The following STT3B variants were observed in gnomAD, a reference collection of about 807,000 sequenced individuals.
STT3B encodes the protein dolichyl-diphosphooligosaccharide--protein glycosyltransferase subunit STT3B.
Under a neutral mutation model 96.8 loss-of-function variants are expected in STT3B, and 29 were observed. The observed-to-expected ratio is 0.30, with a 90% CI of 0.22 to 0.41. The LOEUF is 0.41. Ranked by LOEUF, STT3B falls within the 10% of genes least tolerant of loss-of-function variation. STT3B has a pLI of 1.00. For synonymous variants in STT3B, 367 were observed against 360.0 expected, an observed-to-expected ratio of 1.02 and a Z score of -0.22; for missense variants, 640 against 1,022.3, an observed-to-expected ratio of 0.63 and a Z score of 5.10.
chr3:31,599,845 A>AAT (rs1273573183), intron 4 of STT3B, among the ~76,000 whole-genome samples: 1 of 152,176 alleles, frequency 6.6e-6, no homozygotes, highest in Non-Finnish European at 1.5e-5. Context: ...TTAAGAAAAA[A>AAT]ATTCATGCCC....
intron 5 of STT3B, among the ~76,000 whole-genome samples, chr3:31,602,843 A>C (rs1010585838): frequency 6.6e-6 from 1 of 152,100 alleles, no homozygotes; most frequent in African/African-American, 2.4e-5. Flanking sequence ...TCTTTTACTT[A>C]TAATTATCCA....
intron 3 of STT3B, among the ~76,000 whole-genome samples, chr3:31,584,025 T>C (rs192906703): frequency 6.6e-6 from 1 of 152,320 alleles, no homozygotes; most frequent in East Asian, 1.9e-4. Context: ...TACACCTCTG[T>C]TTCCTTCTAA....
At chr3:31,551,958 C>G (rs930403190) in intron 1 of STT3B, among the ~76,000 whole-genome samples, 1 of 152,164 alleles carries the variant, frequency 6.6e-6, no homozygotes, top group African/African-American at 2.4e-5. Context: ...GTCCTATAAC[C>G]TCAAGGAAGT....
chr3:31,583,888 T>G (rs778255512), intron 3 of STT3B, among the ~76,000 whole-genome samples: 19 of 152,228 alleles, frequency 1.2e-4, no homozygotes, highest in Non-Finnish European at 2.6e-4. Context: ...CTTTTCACTC[T>G]GGATAGTGTC....
intron 1 of STT3B, among the ~76,000 whole-genome samples, chr3:31,564,099 G>A (rs1559367235): frequency 6.6e-6 from 1 of 152,010 alleles, no homozygotes; most frequent in African/African-American, 2.4e-5. Context: ...AATTAAACCA[G>A]TTACACTATT....
chr3:31,617,809 C>T (rs1699339943), intron 7 of STT3B, 131 bp from the exon 8 acceptor site: 3 of 689,510 alleles, frequency 4.4e-6, no homozygotes, highest in South Asian at 3.8e-5. Flanking sequence ...AGGTTGACAC[C>T]TATAAATGAA....
intron 3 of STT3B, among the ~76,000 whole-genome samples, chr3:31,583,263 T>C (rs929321353): frequency 6.6e-6 from 1 of 152,196 alleles, no homozygotes; most frequent in Non-Finnish European, 1.5e-5. Flanking sequence ...TATTGAACTG[T>C]TTTATTGCTG....
intron 2 of STT3B, among the ~76,000 whole-genome samples, chr3:31,579,485 A>G (rs1403228517): frequency 7.0e-6 from 1 of 143,624 alleles, no homozygotes; most frequent in African/African-American, 2.8e-5. Flanking sequence ...GATAAAAAAA[A>G]AAAAAAAAAA....
At chr3:31,610,073 C>T (rs1347219541) in intron 5 of STT3B, among the ~76,000 whole-genome samples, 1 of 152,100 alleles carries the variant, frequency 6.6e-6, no homozygotes, top group Non-Finnish European at 1.5e-5. Flanking sequence ...TCATATATTT[C>T]TCTGCTGGTC....
chr3:31,587,297 A>G (rs532052626), intron 3 of STT3B, among the ~76,000 whole-genome samples: 3 of 151,904 alleles, frequency 2.0e-5, no homozygotes, highest in Admixed American at 6.6e-5. Flanking sequence ...GTGACTTTCC[A>G]TTTTCACATC....
At chr3:31,567,744 A>G (rs997167877) in intron 1 of STT3B, among the ~76,000 whole-genome samples, 3 of 152,120 alleles carry the variant, frequency 2.0e-5, no homozygotes, top group Non-Finnish European at 2.9e-5. Flanking sequence ...TTATCTATTT[A>G]TGGGTTATAT....
chr3:31,597,871 T>C (rs910391210), intron 4 of STT3B, among the ~76,000 whole-genome samples: 2 of 151,116 alleles, frequency 1.3e-5, no homozygotes, highest in Non-Finnish European at 3.0e-5. Context: ...AGTCTGGCTC[T>C]GTTGCCTAGG....
chr3:31,634,873 T>C (rs1297791454), intron 15 of STT3B, among the ~76,000 whole-genome samples: 2 of 152,204 alleles, frequency 1.3e-5, no homozygotes, highest in East Asian at 3.8e-4. Context: ...TTAAAAATTG[T>C]ACCCTCTGAA....
chr3:31,602,603 G>A (rs1698954181), intron 5 of STT3B, among the ~76,000 whole-genome samples: 1 of 150,642 alleles, frequency 6.6e-6, no homozygotes, highest in Admixed American at 6.6e-5. Context: ...TTTAACCTTA[G>A]CACCAAGATT....
intron 15 of STT3B, 57 bp downstream of exon 15, chr3:31,633,204 A>G: frequency 1.4e-6 from 2 of 1,474,768 alleles, no homozygotes; most frequent in South Asian, 1.3e-5. Flanking sequence ...TTTGTATGAA[A>G]AAGAATTTCT....
At chr3:31,550,336 T>C (rs1380373306) in intron 1 of STT3B, among the ~76,000 whole-genome samples, 1 of 152,214 alleles carries the variant, frequency 6.6e-6, no homozygotes, top group Non-Finnish European at 1.5e-5. Flanking sequence ...TTAAACAACC[T>C]TTGGTTTTCT....
At chr3:31,614,665 C>CT (rs1380200994) in intron 5 of STT3B, among the ~76,000 whole-genome samples, 1 of 151,830 alleles carries the variant, frequency 6.6e-6, no homozygotes. Flanking sequence ...TACTTCAGAG[C>CT]TTTTGAGACA....
At chr3:31,566,528 C>T (rs572142646) in intron 1 of STT3B, among the ~76,000 whole-genome samples, 1 of 152,260 alleles carries the variant, frequency 6.6e-6, no homozygotes, top group South Asian at 2.1e-4. Context: ...TACCACTCCC[C>T]TTCTTGAACA....
chr3:31,596,232 G>A (rs1206875945), intron 3 of STT3B, among the ~76,000 whole-genome samples: 2 of 152,134 alleles, frequency 1.3e-5, no homozygotes, highest in Non-Finnish European at 2.9e-5. Flanking sequence ...AGCAGTCTGG[G>A]TTCAGTTAGG....
Sources: gnomAD v4.1 joint callset for allele counts (sites outside exome capture counted in the v4.1 genomes callset) on GRCh38, gnomAD v4.1.1 for gene constraint, MANE v1.5 for transcripts, NCBI Gene and HGNC (gene_info 2026-07-23, HGNC 2026-07-21) for gene names.